Variants in KLHL32 observed in about 807,000 individuals in gnomAD.
The protein encoded by KLHL32 is kelch like family member 32.
Under a neutral mutation model 64.8 loss-of-function variants are expected in KLHL32, and 35 were observed. The observed-to-expected ratio is 0.54, with a 90% CI of 0.41 to 0.72. The LOEUF is 0.72. KLHL32 is among the 30% of genes least tolerant of loss of function. KLHL32 has a pLI of 0.00. For synonymous variants in KLHL32, 259 were observed against 281.0 expected, an observed-to-expected ratio of 0.92 and a Z score of 0.78; for missense variants, 589 against 768.5, an observed-to-expected ratio of 0.77 and a Z score of 2.76.
chr6:97,027,263 G>A (rs1363979076), intron 3 of KLHL32, among the ~76,000 whole-genome samples: 1 of 152,010 alleles, frequency 6.6e-6, no homozygotes, highest in East Asian at 1.9e-4. Context: ...GTCTGCTCCT[G>A]GTCCCTATTT....
At position 97,083,252 on chromosome 6, in the gene KLHL32, C is replaced by T. The variant is rs1447295942; in HGVS notation, c.412-1874C>T. ...TAAAAATCCAAAAATTAGCTGGGTGCGATGGCACGCGCCTGTGGTCCCAGC... is the reference window on the plus strand; with the variant it reads ...TAAAAATCCAAAAATTAGCTGGGTGTGATGGCACGCGCCTGTGGTCCCAGC... On this transcript the variant is annotated intron_variant, in intron 5 of 10. Coordinates refer to ENST00000369261, the MANE Select transcript of KLHL32 (RefSeq NM_052904.4). 4.6e-5 allele frequency among the ~76,000 whole-genome samples: 7 copies of T among 152,112 alleles called. No individual in the cohort carries two copies. In the East Asian group the frequency reaches 7.7e-4, roughly 17 times the overall value.
intron 3 of KLHL32, among the ~76,000 whole-genome samples, chr6:96,993,513 G>A (rs1017743269): frequency 6.6e-6 from 1 of 152,160 alleles, no homozygotes; most frequent in African/African-American, 2.4e-5. Flanking sequence ...CCTGCTGGCC[G>A]AGCAAGTCAG....
intron 10 of KLHL32, among the ~76,000 whole-genome samples, chr6:97,133,970 A>G (rs552980168): frequency 6.6e-6 from 1 of 152,296 alleles, no homozygotes; most frequent in East Asian, 1.9e-4. Flanking sequence ...AGTATTATGT[A>G]TCTCTAATAC....
intron 5 of KLHL32, among the ~76,000 whole-genome samples, chr6:97,082,385 G>A (rs936473967): frequency 2.6e-5 from 4 of 152,184 alleles, no homozygotes; most frequent in East Asian, 1.9e-4. Context: ...AGGCCGAGGC[G>A]GGCGGATCAT....
intron 3 of KLHL32, among the ~76,000 whole-genome samples, chr6:97,024,401 C>CT (rs11314105): frequency 0.091 from 11,948 of 131,724 alleles, 1,003 homozygotes; most frequent in Admixed American, 0.24. Flanking sequence ...TTTGTTGTTG[C>CT]TTTTTTTTTT....
At chr6:97,120,248 C>G (rs1336921048) in intron 7 of KLHL32, among the ~76,000 whole-genome samples, 1 of 151,980 alleles carries the variant, frequency 6.6e-6, no homozygotes, top group Non-Finnish European at 1.5e-5. Flanking sequence ...GGGTGTGAAC[C>G]TAGGTAAGCT....
intron 4 of KLHL32, 77 bp from the exon 5 acceptor site, chr6:97,064,551 T>C (rs1582899734): frequency 2.1e-6 from 2 of 955,238 alleles, no homozygotes; most frequent in East Asian, 5.2e-5. Flanking sequence ...AAATATACTA[T>C]GGTATATCTA....
the KLHL32 span, among the ~76,000 whole-genome samples, chr6:96,906,615 C>T: frequency 7.9e-5 from 12 of 152,070 alleles, no homozygotes. Flanking sequence ...GTTTTTTGGT[C>T]CAATTTTCTT....
chr6:97,105,460 T>G, intron 6 of KLHL32: 1 of 471,168 alleles, frequency 2.1e-6, no homozygotes, highest in Non-Finnish European at 4.4e-6. Context: ...GAATTTGTGC[T>G]GCCTTTTGTG....
chr6:97,094,429 C>G (rs1794686051), intron 6 of KLHL32, among the ~76,000 whole-genome samples: 1 of 152,182 alleles, frequency 6.6e-6, no homozygotes, highest in Non-Finnish European at 1.5e-5. Flanking sequence ...GGAAAAATAA[C>G]ACCCTGATTC....
chr6:96,937,415 T>C lies in KLHL32; in HGVS notation c.-66+12389T>C, dbSNP rs115250074. Among the ~76,000 whole-genome samples, 1,479 of 152,300 alleles carry C rather than the reference T, an allele frequency of 9.7e-3. 35 individuals carry two copies. Among genetic ancestry groups the C allele is most frequent in the African/African-American group, 0.034 (1,419 of 41,536 alleles). The stretch of plus-strand genomic sequence containing the variant: ...TATTTCTTGTGTGTGTGTGAACTTA[T>C]TTGCAGATAACTAGCGTCAGGACAT... On this transcript the variant is annotated intron_variant, in intron 1 of 10. Transcript: ENST00000369261.
intron 8 of KLHL32, among the ~76,000 whole-genome samples, chr6:97,129,886 TACAAA>T (rs573920708): frequency 2.2e-4 from 34 of 152,066 alleles, no homozygotes; most frequent in East Asian, 1.9e-3. Context: ...CTGTCTCAAA[TACAAA>T]ACAAAACAAA....
intron 7 of KLHL32, among the ~76,000 whole-genome samples, chr6:97,116,006 T>G (rs944609789): frequency 2.0e-5 from 3 of 152,100 alleles, no homozygotes; most frequent in Non-Finnish European, 2.9e-5. Context: ...TCTTCTGCTG[T>G]CCTCAATAAC....
the KLHL32 span, among the ~76,000 whole-genome samples, chr6:96,898,146 C>T: frequency 6.6e-6 from 1 of 152,228 alleles, no homozygotes; most frequent in African/African-American, 2.4e-5. Context: ...GGCCCTACCC[C>T]AGACTTTCTG....
intron 6 of KLHL32, among the ~76,000 whole-genome samples, chr6:97,112,072 A>G (rs1022523092): frequency 2.0e-5 from 3 of 152,136 alleles, no homozygotes; most frequent in Non-Finnish European, 4.4e-5. Flanking sequence ...GGAAAAGTCA[A>G]CATTCCAGCA....
intron 6 of KLHL32, among the ~76,000 whole-genome samples, chr6:97,108,112 A>G (rs192373181): frequency 1.3e-5 from 2 of 152,272 alleles, no homozygotes; most frequent in East Asian, 1.9e-4. Flanking sequence ...CCTAATGGCC[A>G]TGTTTCCTAA....
chr6:96,956,003 A>G (rs2128017810), intron 1 of KLHL32, among the ~76,000 whole-genome samples: 1 of 152,318 alleles, frequency 6.6e-6, no homozygotes, highest in South Asian at 2.1e-4. Context: ...TGTTTATTGG[A>G]CTTACAGTTC....
chr6:96,933,734 G>A (rs1770225278), intron 1 of KLHL32, among the ~76,000 whole-genome samples: 1 of 152,128 alleles, frequency 6.6e-6, no homozygotes, highest in African/African-American at 2.4e-5. Flanking sequence ...TCCCTCCTTG[G>A]CCAGTTTTGA....
the KLHL32 span, among the ~76,000 whole-genome samples, chr6:96,912,124 T>C: frequency 6.6e-6 from 1 of 152,094 alleles, no homozygotes; most frequent in Non-Finnish European, 1.5e-5. Context: ...CTTTCTCCTG[T>C]GTCCCTTAGC....
Sources: gnomAD v4.1 joint callset for allele counts (sites outside exome capture counted in the v4.1 genomes callset) on GRCh38, gnomAD v4.1.1 for gene constraint, MANE v1.5 for transcripts, NCBI Gene and HGNC (gene_info 2026-07-23, HGNC 2026-07-21) for gene names.